The following LIPI variants were observed in gnomAD, a reference collection of about 807,000 sequenced individuals.
LIPI encodes the protein lipase member I.
LIPI carries 59 observed loss-of-function variants against 50.6 expected under a neutral mutation model. The observed-to-expected ratio is 1.16, with a 90% CI of 0.94 to 1.45. The LOEUF is 1.45. LIPI is among the 40% of genes most tolerant of loss of function. The probability of loss-of-function intolerance (pLI) is 0.00; values close to 1 mark genes in which losing one functional copy is unlikely to be tolerated. For synonymous variants in LIPI, 203 were observed against 178.2 expected (o/e 1.14, Z -1.11); for missense variants, 586 against 536.3 (o/e 1.09, Z -0.92).
chr21:14,200,729 A>T (rs769663309), intron 1 of LIPI, among the ~76,000 whole-genome samples: 13 of 152,002 alleles, frequency 8.6e-5, no homozygotes, highest in Non-Finnish European at 1.6e-4. Context: ...TTAAACTACC[A>T]TTGAGAGTAT....
At chr21:14,120,423 G>T (rs1010662017) in intron 9 of LIPI, among the ~76,000 whole-genome samples, 1 of 152,104 alleles carries the variant, frequency 6.6e-6, no homozygotes, top group Non-Finnish European at 1.5e-5. Flanking sequence ...CATTTACAAA[G>T]AAAGAGAACT....
intron 4 of LIPI, among the ~76,000 whole-genome samples, chr21:14,174,540 G>GTTTATTTTATTTTAT (rs34581945): frequency 1.3e-5 from 2 of 150,494 alleles, no homozygotes; most frequent in Non-Finnish European, 3.0e-5. Flanking sequence ...ATCATCTGTT[G>GTTTATTTTATTTTAT]TTTATTTTAT....
intron 9 of LIPI, among the ~76,000 whole-genome samples, chr21:14,136,741 G>A (rs974652990): frequency 2.0e-5 from 3 of 152,124 alleles, no homozygotes; most frequent in Non-Finnish European, 2.9e-5. Context: ...TTCCAGGGAG[G>A]AGTTACAGTA....
At chr21:14,187,686 C>T (rs1283000764) in intron 2 of LIPI, among the ~76,000 whole-genome samples, 1 of 152,018 alleles carries the variant, frequency 6.6e-6, no homozygotes, top group East Asian at 1.9e-4. Flanking sequence ...AATCAATTAC[C>T]TCCTCTGTCT....
chr21:14,191,020 A>T (rs556650358), intron 1 of LIPI, among the ~76,000 whole-genome samples: 3 of 152,316 alleles, frequency 2.0e-5, no homozygotes, highest in Admixed American at 2.0e-4. Flanking sequence ...CTATTAAAAG[A>T]TATAAAATAT....
At chr21:14,164,107 C>G (rs1044935548) in intron 6 of LIPI, among the ~76,000 whole-genome samples, 1 of 150,976 alleles carries the variant, frequency 6.6e-6, no homozygotes, top group Non-Finnish European at 1.5e-5. Flanking sequence ...ATAAAAATTA[C>G]TTATAAAATA....
chr21:14,167,427 C>A (rs867623877), intron 4 of LIPI, among the ~76,000 whole-genome samples: 2 of 152,168 alleles, frequency 1.3e-5, no homozygotes, highest in Non-Finnish European at 2.9e-5. Context: ...GGGTCCCTGA[C>A]CCCCGACCTC....
intron 9 of LIPI, among the ~76,000 whole-genome samples, chr21:14,124,994 G>T (rs985032753): frequency 6.8e-6 from 1 of 146,458 alleles, no homozygotes; most frequent in Non-Finnish European, 1.5e-5. Context: ...ACTCCACCTC[G>T]AAAAAAAAAA....
At chr21:14,141,340 A>G (rs1224538423) in intron 9 of LIPI, among the ~76,000 whole-genome samples, 1 of 151,424 alleles carries the variant, frequency 6.6e-6, no homozygotes, top group Non-Finnish European at 1.5e-5. Context: ...TTATTGGTCA[A>G]ATCTATTATT....
At position 14,183,302 on chromosome 21, in the gene LIPI, T is replaced by C. The variant is rs895071264; in HGVS notation, c.542-1443A>G. Among the ~76,000 whole-genome samples the C allele has an allele frequency of 5.3e-5, 8 of 152,186 alleles. No individual in the cohort carries two copies. The South Asian group carries it at 1.2e-3, about 24-fold the overall frequency. On this transcript the variant is annotated intron_variant, in intron 3 of 9. Transcript: ENST00000681601. ...GAAAGCTGAAACTGGATCCCTTCCT[T>C]ACACCTTATACAAAAATTAATTCAA...
chr21:14,197,801 C>T (rs1272764411), intron 1 of LIPI, among the ~76,000 whole-genome samples: 1 of 151,604 alleles, frequency 6.6e-6, no homozygotes, highest in Non-Finnish European at 1.5e-5. Context: ...GAAGATCATC[C>T]CCAAGACACA....
chr21:14,191,631 T>C (rs1233787438), intron 1 of LIPI, among the ~76,000 whole-genome samples: 2 of 152,194 alleles, frequency 1.3e-5, no homozygotes, highest in Non-Finnish European at 2.9e-5. Context: ...TGGTGTGTTA[T>C]AGTGCAATAA....
At chr21:14,128,456 T>C (rs1274211876) in intron 9 of LIPI, among the ~76,000 whole-genome samples, 1 of 152,116 alleles carries the variant, frequency 6.6e-6, no homozygotes, top group Non-Finnish European at 1.5e-5. Flanking sequence ...GTGTATCAAC[T>C]CTGGATTTCT....
intron 7 of LIPI, among the ~76,000 whole-genome samples, chr21:14,161,436 A>G (rs946355065): frequency 1.4e-5 from 2 of 140,258 alleles, no homozygotes; most frequent in African/African-American, 5.2e-5. Flanking sequence ...TATAATATCA[A>G]TATATATTAT....
intron 4 of LIPI, among the ~76,000 whole-genome samples, chr21:14,170,540 G>A (rs975619984): frequency 6.6e-6 from 1 of 152,290 alleles, no homozygotes. Context: ...TTCATCCCTG[G>A]CATGCAAGGC....
intron 7 of LIPI, among the ~76,000 whole-genome samples, chr21:14,159,282 T>C (rs767377848): frequency 4.6e-5 from 7 of 151,524 alleles, no homozygotes; most frequent in Non-Finnish European, 8.9e-5. Flanking sequence ...AATTCAACAA[T>C]GTATTTTAAA....
intron 9 of LIPI, among the ~76,000 whole-genome samples, chr21:14,116,953 G>A (rs2016669696): frequency 6.6e-6 from 1 of 152,178 alleles, no homozygotes; most frequent in Non-Finnish European, 1.5e-5. Flanking sequence ...TCTCTGGCAA[G>A]GCTTAGGCGG....
chr21:14,153,984 A>G (rs2018189035), intron 7 of LIPI, among the ~76,000 whole-genome samples: 1 of 152,188 alleles, frequency 6.6e-6, no homozygotes, highest in Admixed American at 6.5e-5. Flanking sequence ...TTGTGGTAAT[A>G]TGGTTCTGAA....
At chr21:14,125,274 A>G (rs2122965259) in intron 9 of LIPI, among the ~76,000 whole-genome samples, 1 of 152,326 alleles carries the variant, frequency 6.6e-6, no homozygotes, top group Admixed American at 6.5e-5. Flanking sequence ...ACAGCACAAA[A>G]CCTGGGATAA....
Sources: gnomAD v4.1 joint callset for allele counts (sites outside exome capture counted in the v4.1 genomes callset) on GRCh38, gnomAD v4.1.1 for gene constraint, MANE v1.5 for transcripts, NCBI Gene and HGNC (gene_info 2026-07-23, HGNC 2026-07-21) for gene names.